CEP152: variants seen among roughly 807,000 people sequenced by gnomAD.
CEP152 encodes centrosomal protein 152.
Under a neutral mutation model 188.9 loss-of-function variants are expected in CEP152, and 132 were observed. The observed-to-expected ratio is 0.70, with a 90% CI of 0.61 to 0.81. The LOEUF (loss-of-function observed/expected upper bound fraction) is 0.81, where lower values mean the gene tolerates loss of function less well. Among genes scored for constraint, CEP152 ranks in the 30% least tolerant of loss-of-function variants. The probability of loss-of-function intolerance (pLI) is 0.00; values close to 1 mark genes in which losing one functional copy is unlikely to be tolerated. For synonymous variants in CEP152, 649 were observed against 666.6 expected (o/e 0.97, Z 0.41); for missense variants, 1,914 against 1,969.8 (o/e 0.97, Z 0.54).
At chr15:48,741,280 C>G in intron 26 of CEP152, 1 of 1,180,978 alleles carries the variant, frequency 8.5e-7, no homozygotes, top group South Asian at 1.7e-5. Flanking sequence ...CAGGTGTGAG[C>G]CATGATGCCT....
chr15:48,753,688 C>G (rs969637923), intron 20 of CEP152, among the ~76,000 whole-genome samples: 3 of 152,166 alleles, frequency 2.0e-5, no homozygotes, highest in Admixed American at 2.0e-4. Context: ...AAAGCAACAA[C>G]CTTTTTGTCT....
At chr15:48,792,872 A>G (rs1477301359) in intron 7 of CEP152, among the ~76,000 whole-genome samples, 1 of 151,498 alleles carries the variant, frequency 6.6e-6, no homozygotes, top group Non-Finnish European at 1.5e-5. Context: ...CCTGAAGTGC[A>G]ATGGCGCTTT....
chr15:48,732,730 G>T (rs538514152), intron 2 of CEP152, among the ~76,000 whole-genome samples: 15 of 151,166 alleles, frequency 9.9e-5, no homozygotes, highest in Non-Finnish European at 1.9e-4. Context: ...AAAAAGTCAT[G>T]CTTTTAATTC....
chr15:48,738,709 T>C lies in CEP152; in HGVS notation c.4673A>G (p.Gln1558Arg), dbSNP rs1158683500. ...ASEKSQGLDV[Q>R]EPPVKDGGDL... ...CCCTCCATCTTTTACTGGAGGTTCCTGAACATCCAAACCTTGACTTTTCTC... is the reference window on the plus strand; with the variant it reads ...CCCTCCATCTTTTACTGGAGGTTCCCGAACATCCAAACCTTGACTTTTCTC... Residue 1558 changes from glutamine to arginine, a missense_variant, in exon 27 of 27, where the codon CAG becomes CGG. Gln to Arg is a conservative substitution (Grantham distance 43). Coordinates refer to ENST00000380950, the MANE Select transcript of CEP152 (RefSeq NM_001194998.2). 5.0e-6 allele frequency: 8 copies of C among 1,614,106 alleles called. No individual in the cohort carries two copies. Among genetic ancestry groups the C allele is most frequent in the Non-Finnish European group, 6.8e-6 (8 of 1,180,036 alleles).
At chr15:48,797,927 A>G (rs115947264) in intron 3 of CEP152, 21 bp downstream of exon 3, 2 of 1,595,708 alleles carry the variant, frequency 1.3e-6, no homozygotes, top group South Asian at 2.2e-5. Context: ...TATACAAGTG[A>G]AAGTGACTTC....
In CEP152 at chr15:48,793,207, T is replaced by C. The variant is rs1452949304; in HGVS notation, c.832+114A>G. 9.7e-6 allele frequency: 12 copies of C among 1,232,392 alleles called. No individual in the cohort carries two copies. The South Asian group carries it at 1.1e-4, about 11-fold the overall frequency. 76.3% of individuals were successfully genotyped at this position (1,232,392 alleles called of 1,614,324 possible). A position where few individuals can be genotyped will look rare whatever the true frequency, so the allele number is the denominator to read the frequency against. Reference sequence around the variant, plus strand: ...TTGTTTTGCTATGCCTCACTCACTATGAGCCCTCTGACCAAGTGTTTTTAC... The same window carrying C: ...TTGTTTTGCTATGCCTCACTCACTACGAGCCCTCTGACCAAGTGTTTTTAC... On this transcript the variant is annotated intron_variant, in intron 7 of 26. Coordinates refer to ENST00000380950, the MANE Select transcript of CEP152 (RefSeq NM_001194998.2).
Position 48,767,079 on chromosome 15 carries a change from T to A in CEP152, c.2261A>T (p.Glu754Val). ...ELTLRKTTEK[E>V]QQTQEKIKEK... is the part of the protein sequence containing the mutation. ...CTGTACCTTCTCCTGAGTCTGTTGC[T>A]CCTTTTCAGTGGTCTTCCTGAGAGT... Residue 754 changes from glutamate (E) to valine (V), a missense_variant, in exon 17 of 27, where the codon GAG (glutamate) becomes GTG (valine). By Grantham distance (121) the Glu-to-Val change is moderately radical. Transcript: ENST00000380950. 6.2e-7 allele frequency: 1 copy of A among 1,613,228 alleles called. No individual in the cohort carries two copies. Among genetic ancestry groups the A allele is most frequent in the South Asian group, 1.1e-5 (1 of 91,080 alleles).
At chr15:48,800,985 G>C (rs1251588876) in intron 2 of CEP152, among the ~76,000 whole-genome samples, 1 of 152,164 alleles carries the variant, frequency 6.6e-6, no homozygotes, top group Non-Finnish European at 1.5e-5. Flanking sequence ...CCTTTTGTTA[G>C]GATTTTCAAC....
At chr15:48,741,440 CTG>C (rs1892964480) in intron 26 of CEP152, 159 bp downstream of exon 26, 6 of 1,490,570 alleles carry the variant, frequency 4.0e-6, no homozygotes, top group Admixed American at 4.6e-5. Context: ...AAATTGGAAA[CTG>C]TGTACTCTTT....
chr15:48,795,683 A>G (rs1469358856), intron 6 of CEP152, among the ~76,000 whole-genome samples: 1 of 152,202 alleles, frequency 6.6e-6, no homozygotes, highest in Non-Finnish European at 1.5e-5. Context: ...ATAAGAAAGT[A>G]AAGAGAATAA....
chr15:48,810,768 G>A (rs1281701653), intron 1 of CEP152, 193 bp downstream of exon 1: 1 of 152,452 alleles, frequency 6.6e-6, no homozygotes, highest in East Asian at 1.9e-4. Flanking sequence ...CTTCTAAGTA[G>A]GATATTGGAG....
At chr15:48,784,151 T>G (rs1188679716) in intron 9 of CEP152, 31 bp from the exon 10 acceptor site, 27 of 1,598,792 alleles carry the variant, frequency 1.7e-5, no homozygotes, top group Non-Finnish European at 2.3e-5. Context: ...GGAAGTCATT[T>G]TCATAAAGAG....
intron 12 of CEP152, among the ~76,000 whole-genome samples, chr15:48,780,481 T>C (rs886630084): frequency 2.0e-5 from 3 of 152,212 alleles, no homozygotes; most frequent in Non-Finnish European, 4.4e-5. Context: ...AAATACAACA[T>C]GTATTAAACA....
intron 2 of CEP152, among the ~76,000 whole-genome samples, chr15:48,799,093 A>G (rs901374849): frequency 3.3e-5 from 5 of 152,150 alleles, no homozygotes; most frequent in Non-Finnish European, 7.4e-5. Context: ...CAAAGGACAT[A>G]AATCAAACCC....
chr15:48,802,314 T>C (rs1213711753), intron 2 of CEP152, among the ~76,000 whole-genome samples: 1 of 152,172 alleles, frequency 6.6e-6, no homozygotes, highest in Non-Finnish European at 1.5e-5. Flanking sequence ...AGCTCTCAAG[T>C]GGTACAATCA....
intron 2 of CEP152, among the ~76,000 whole-genome samples, chr15:48,798,621 G>C (rs1383966592): frequency 4.6e-5 from 7 of 152,134 alleles, no homozygotes; most frequent in Non-Finnish European, 8.8e-5. Context: ...ATAATACCCT[G>C]CTCTCATACA....
rs754041296 is a variant in CEP152 at position 48,797,684 on chromosome 15, G to T, written c.238C>A (p.Leu80Met). The change falls in exon 4 of 27, where the codon CTG becomes ATG. Residue 80 changes from leucine to methionine, a missense_variant. By Grantham distance (15) the Leu-to-Met change is conservative. Transcript: ENST00000380950. ...ACATTTACACTTTGAGATTTGGGCA[G>T]CATTTGCTCATTCCAGCTCATCTCC... ...QLEMSWNEQMLPKSQSVNGYN... is the reference protein window; with the variant it reads ...QLEMSWNEQMMPKSQSVNGYN... 5.6e-6 allele frequency: 9 copies of T among 1,614,118 alleles called. No homozygotes were observed. In the South Asian group the frequency reaches 8.8e-5, roughly 16 times the overall value.
At chr15:48,804,785 C>A (rs918402789) in intron 2 of CEP152, among the ~76,000 whole-genome samples, 1 of 152,212 alleles carries the variant, frequency 6.6e-6, no homozygotes, top group Non-Finnish European at 1.5e-5. Context: ...CCACTGGCTT[C>A]CCATTGTTCT....
At chr15:48,793,593 T>A in intron 6 of CEP152, 132 bp from the exon 7 acceptor site, 1 of 774,822 alleles carries the variant, frequency 1.3e-6, no homozygotes, top group African/African-American at 1.8e-5. Context: ...GAATTGTGAC[T>A]AGGATTAAAA....
Sources: allele counts gnomAD v4.1 joint callset (sites outside exome capture counted in the v4.1 genomes callset), GRCh38; gene constraint gnomAD v4.1.1; transcripts MANE v1.5; gene names NCBI Gene and HGNC (gene_info 2026-07-23, HGNC 2026-07-21).